Variants in GRM7 observed in about 807,000 individuals in gnomAD.
GRM7 encodes metabotropic glutamate receptor 7.
In GRM7, 35 loss-of-function variants were observed where a neutral mutation model predicts 84.5. The ratio of observed to expected loss-of-function variants is 0.41; its 90% CI spans 0.32 to 0.55. The LOEUF (loss-of-function observed/expected upper bound fraction) is 0.55. GRM7 is among the 20% of genes least tolerant of loss of function. GRM7 has a pLI of 0.19. For missense variants in GRM7, 1,003 were observed against 1,194.6 expected, an observed-to-expected ratio of 0.84 and a Z score of 2.36; for synonymous variants, 487 against 455.1, an observed-to-expected ratio of 1.07 and a Z score of -0.89.
chr3:7,463,093 T>C lies in GRM7; in HGVS notation c.1515+1371T>C, dbSNP rs370180672. Among the ~76,000 whole-genome samples the C allele has an allele frequency of 4.4e-4, 63 of 143,228 alleles. 1 individual carries two copies. The South Asian group carries it at 0.015, about 33-fold the overall frequency. 94.0% of individuals were successfully genotyped at this position (143,228 alleles called of 152,430 possible). ...TTTTACTGGGTGCTGCCATGTGATA[T>C]GAAGATGGGTCAGCCTCAAATAAAG... On this transcript the variant is annotated intron_variant, in intron 7 of 9. Coordinates refer to ENST00000357716, the MANE Select transcript of GRM7 (RefSeq NM_000844.4).
chr3:7,041,525 G>T (rs1413432544), intron 1 of GRM7, among the ~76,000 whole-genome samples: 1 of 152,052 alleles, frequency 6.6e-6, no homozygotes, highest in Non-Finnish European at 1.5e-5. Context: ...TTCTTTCAGC[G>T]CTTGCTGAAC....
intron 1 of GRM7, among the ~76,000 whole-genome samples, chr3:6,911,417 A>C (rs188753103): frequency 1.6e-4 from 24 of 152,276 alleles, no homozygotes; most frequent in Admixed American, 1.6e-3. Flanking sequence ...ATGTTCCTTC[A>C]TCCAACCAGT....
At chr3:7,034,848 T>A in intron 1 of GRM7, among the ~76,000 whole-genome samples, 1 of 152,144 alleles carries the variant, frequency 6.6e-6, no homozygotes, top group East Asian at 1.9e-4. Context: ...GTGAAAGTGT[T>A]GCAATGTTAG....
At chr3:7,667,298 G>A (rs1360992320) in intron 8 of GRM7, among the ~76,000 whole-genome samples, 6 of 149,214 alleles carry the variant, frequency 4.0e-5, no homozygotes, top group East Asian at 1.9e-4. Flanking sequence ...GAGAGAGAGA[G>A]AAAAGATAAG....
At chr3:7,154,984 G>T (rs977510827) in intron 2 of GRM7, among the ~76,000 whole-genome samples, 4 of 152,098 alleles carry the variant, frequency 2.6e-5, no homozygotes, top group Non-Finnish European at 5.9e-5. Flanking sequence ...ATATTGGAAA[G>T]ATATTGATTA....
chr3:7,698,232 T>G (rs162772), intron 9 of GRM7, among the ~76,000 whole-genome samples: 89,688 of 152,060 alleles, frequency 0.59, 27,103 homozygotes, highest in East Asian at 0.92. Context: ...ATATGGGAGA[T>G]AGTGTTCTGG....
intron 8 of GRM7, among the ~76,000 whole-genome samples, chr3:7,616,438 T>C (rs1404899618): frequency 2.0e-5 from 3 of 152,126 alleles, no homozygotes; most frequent in African/African-American, 7.2e-5. Flanking sequence ...CTGGTCCAAC[T>C]AATATTTAGA....
intron 1 of GRM7, among the ~76,000 whole-genome samples, chr3:7,112,635 C>A (rs1264982169): frequency 6.6e-6 from 1 of 152,072 alleles, no homozygotes; most frequent in Non-Finnish European, 1.5e-5. Flanking sequence ...GTGTGGCAGC[C>A]CCCACTCGGT....
chr3:7,246,363 C>T (rs1697760235), intron 2 of GRM7, among the ~76,000 whole-genome samples: 1 of 152,120 alleles, frequency 6.6e-6, no homozygotes, highest in Non-Finnish European at 1.5e-5. Context: ...TGCACATTGG[C>T]ACATCTTTTG....
At chr3:7,462,047 G>T (rs796584480) in intron 7 of GRM7, among the ~76,000 whole-genome samples, 1 of 151,958 alleles carries the variant, frequency 6.6e-6, no homozygotes, top group Non-Finnish European at 1.5e-5. Flanking sequence ...TATTTCTTCT[G>T]CCTCCCCCCA....
chr3:7,504,377 T>C (rs1699976901), intron 7 of GRM7, among the ~76,000 whole-genome samples: 1 of 152,220 alleles, frequency 6.6e-6, no homozygotes, highest in Non-Finnish European at 1.5e-5. Context: ...TAGATAGATC[T>C]GAGCTCTAAG....
At chr3:7,310,389 T>G (rs150179401) in intron 4 of GRM7, among the ~76,000 whole-genome samples, 15 of 152,324 alleles carry the variant, frequency 9.8e-5, no homozygotes, top group African/African-American at 3.4e-4. Flanking sequence ...TTTTTACTTA[T>G]GATTTGAATG....
intron 1 of GRM7, among the ~76,000 whole-genome samples, chr3:7,095,290 A>G (rs2125013437): frequency 6.6e-6 from 1 of 152,336 alleles, no homozygotes; most frequent in South Asian, 2.1e-4. Flanking sequence ...TCTTTTGCTC[A>G]GATTACTAAG....
intron 9 of GRM7, among the ~76,000 whole-genome samples, chr3:7,730,585 G>T (rs559011085): frequency 6.6e-6 from 1 of 152,324 alleles, no homozygotes; most frequent in African/African-American, 2.4e-5. Context: ...TTCAATAAAT[G>T]TATAAAGGAA....
chr3:7,038,157 T>C (rs1459645774), intron 1 of GRM7, among the ~76,000 whole-genome samples: 1 of 152,328 alleles, frequency 6.6e-6, no homozygotes, highest in East Asian at 1.9e-4. Context: ...GCGACAAAGC[T>C]GATGCCTAGT....
intron 1 of GRM7, among the ~76,000 whole-genome samples, chr3:7,093,090 G>A (rs1017630679): frequency 2.6e-5 from 4 of 151,976 alleles, no homozygotes; most frequent in Non-Finnish European, 5.9e-5. Flanking sequence ...CAACAACAGC[G>A]ACAACAACAA....
chr3:7,135,448 T>C (rs1418989918), intron 1 of GRM7, among the ~76,000 whole-genome samples: 1 of 152,220 alleles, frequency 6.6e-6, no homozygotes, highest in East Asian at 1.9e-4. Context: ...CACATGATAC[T>C]TTCAAAAATT....
At chr3:6,926,065 A>T (rs570932885) in intron 1 of GRM7, among the ~76,000 whole-genome samples, 1 of 151,972 alleles carries the variant, frequency 6.6e-6, no homozygotes, top group Admixed American at 6.6e-5. Flanking sequence ...ACCCCCCAAA[A>T]CCTCCCACAC....
intron 7 of GRM7, among the ~76,000 whole-genome samples, chr3:7,492,856 C>T (rs1344592103): frequency 6.6e-6 from 1 of 152,068 alleles, no homozygotes; most frequent in Non-Finnish European, 1.5e-5. Flanking sequence ...GCTTTAGCTG[C>T]ATCCCACAAA....
Sources: gnomAD v4.1 joint callset for allele counts (sites outside exome capture counted in the v4.1 genomes callset) on GRCh38, gnomAD v4.1.1 for gene constraint, MANE v1.5 for transcripts, NCBI Gene and HGNC (gene_info 2026-07-23, HGNC 2026-07-21) for gene names.